The following KCNQ3 variants were observed in gnomAD, a reference collection of about 807,000 sequenced individuals.
KCNQ3 encodes potassium voltage-gated channel subfamily KQT member 3.
A neutral mutation model predicts 92.5 loss-of-function variants in KCNQ3; 30 were observed. That is an observed-to-expected ratio of 0.32 (90% CI 0.24 to 0.44). The LOEUF (loss-of-function observed/expected upper bound fraction) is 0.44, where lower values mean the gene tolerates loss of function less well. Ranked by LOEUF, KCNQ3 falls within the 20% of genes least tolerant of loss-of-function variation. The probability of loss-of-function intolerance (pLI) is 1.00; values close to 1 mark genes in which losing one functional copy is unlikely to be tolerated. For synonymous variants in KCNQ3, 450 were observed against 468.8 expected, an observed-to-expected ratio of 0.96 and a Z score of 0.52; for missense variants, 913 against 1,140.3, an observed-to-expected ratio of 0.80 and a Z score of 2.87.
chr8:132,177,606 T>C (rs1251136827), intron 4 of KCNQ3, among the ~76,000 whole-genome samples: 1 of 152,182 alleles, frequency 6.6e-6, no homozygotes, highest in Non-Finnish European at 1.5e-5. Flanking sequence ...GTTTTTGTGC[T>C]GGGTGGTGGG....
chr8:132,235,399 A>C (rs1250842981), intron 1 of KCNQ3, among the ~76,000 whole-genome samples: 1 of 152,158 alleles, frequency 6.6e-6, no homozygotes, highest in Non-Finnish European at 1.5e-5. Context: ...ACTACTTAGG[A>C]GGTTGAGGCA....
In KCNQ3 at chr8:132,418,277, C is replaced by T. The variant is rs528642160; in HGVS notation, c.386+61870G>A. On this transcript the variant is annotated intron_variant, in intron 1 of 14. Coordinates refer to ENST00000388996, the MANE Select transcript of KCNQ3 (RefSeq NM_004519.4). ...AGGAGCGGCATTAACTGGCAGCCAGCAAGAAGGGATCTGTGACAGAGCTGA... is the reference window on the plus strand; with the variant it reads ...AGGAGCGGCATTAACTGGCAGCCAGTAAGAAGGGATCTGTGACAGAGCTGA... 1.3e-3 allele frequency among the ~76,000 whole-genome samples: 197 copies of T among 152,268 alleles called. 1 individual carries two copies. The highest frequency in any genetic ancestry group is 2.4e-3 in the Admixed American group (36 of 15,306).
At chr8:132,333,147 T>C (rs187687381) in intron 1 of KCNQ3, among the ~76,000 whole-genome samples, 1 of 152,282 alleles carries the variant, frequency 6.6e-6, no homozygotes, top group East Asian at 1.9e-4. Flanking sequence ...TCTGGGTATG[T>C]GCACTTTGTA....
Position 132,174,334 on chromosome 8 carries a change from T to C in KCNQ3, c.949A>G (p.Ile317Val). Residue 317 changes from isoleucine (I) to valine (V), a missense_variant, in exon 6 of 15, where the codon ATT (isoleucine) becomes GTT (valine). By Grantham distance (29) the Ile-to-Val change is conservative. Transcript: ENST00000388996. ...LWWGLITLAT[I>V]GYGDKTPKTW... Reference sequence around the variant, plus strand: ...TTGGGTGTCTTGTCTCCATAGCCAATGGTGGCCAGTGTGATCTGAAGAGAG... The same window carrying C: ...TTGGGTGTCTTGTCTCCATAGCCAACGGTGGCCAGTGTGATCTGAAGAGAG... 1 of 1,551,924 alleles carries C rather than the reference T, an allele frequency of 6.4e-7. No homozygotes were observed. Among genetic ancestry groups the C allele is most frequent in the Non-Finnish European group, 8.7e-7 (1 of 1,147,032 alleles).
chr8:132,346,002 T>C (rs954034015), intron 1 of KCNQ3, among the ~76,000 whole-genome samples: 3 of 151,802 alleles, frequency 2.0e-5, no homozygotes, highest in African/African-American at 4.8e-5. Flanking sequence ...ATGGTGATGA[T>C]GACAATGATG....
chr8:132,435,849 G>A (rs541061352), intron 1 of KCNQ3, among the ~76,000 whole-genome samples: 62 of 152,236 alleles, frequency 4.1e-4, no homozygotes, highest in African/African-American at 5.3e-4. Flanking sequence ...ACCTCAGGGC[G>A]GAAGGCTCTC....
chr8:132,260,982 T>C (rs962317424), intron 1 of KCNQ3, among the ~76,000 whole-genome samples: 7 of 152,200 alleles, frequency 4.6e-5, no homozygotes, highest in Admixed American at 3.9e-4. Context: ...AAGTGTAAAA[T>C]ACAGTGGTTC....
At chr8:132,261,632 G>A (rs780922933) in intron 1 of KCNQ3, among the ~76,000 whole-genome samples, 2 of 152,188 alleles carry the variant, frequency 1.3e-5, no homozygotes, top group Non-Finnish European at 2.9e-5. Context: ...AGGAGCAGAC[G>A]TGACTGAGAG....
At chr8:132,248,370 T>G (rs1173044616) in intron 1 of KCNQ3, among the ~76,000 whole-genome samples, 1 of 151,138 alleles carries the variant, frequency 6.6e-6, no homozygotes, top group East Asian at 1.9e-4. Flanking sequence ...TGAGATAGTA[T>G]TCTCTTTCCA....
intron 1 of KCNQ3, chr8:132,277,826 A>G (rs934781473): frequency 2.1e-6 from 1 of 482,324 alleles, no homozygotes; most frequent in Non-Finnish European, 2.7e-6. Context: ...CTGGCCTTAG[A>G]CTGAATCTTG....
intron 1 of KCNQ3, among the ~76,000 whole-genome samples, chr8:132,268,355 C>T (rs1296600107): frequency 1.3e-5 from 2 of 152,154 alleles, no homozygotes; most frequent in South Asian, 2.1e-4. Flanking sequence ...ACCTCTGCCT[C>T]GTGGGTTCAA....
At chr8:132,226,090 C>A (rs1298122206) in intron 1 of KCNQ3, among the ~76,000 whole-genome samples, 1 of 151,874 alleles carries the variant, frequency 6.6e-6, no homozygotes, top group Admixed American at 6.6e-5. Flanking sequence ...GCTAACGTGG[C>A]GAAACCCCGT....
intron 1 of KCNQ3, among the ~76,000 whole-genome samples, chr8:132,311,224 G>C (rs1418721265): frequency 6.6e-6 from 1 of 152,162 alleles, no homozygotes; most frequent in Non-Finnish European, 1.5e-5. Context: ...AGATTAAAGT[G>C]ATTTGTTTAT....
In KCNQ3 at chr8:132,236,522, G is replaced by A. The variant is rs146521152; in HGVS notation, c.387-50341C>T. ...AAACAATAAAATATATATGGACACT[G>A]TCAATGAATGTCTGCCATGTGCCAA... On this transcript the variant is annotated intron_variant, in intron 1 of 14. Coordinates refer to ENST00000388996, the MANE Select transcript of KCNQ3 (RefSeq NM_004519.4). 4.1e-3 allele frequency among the ~76,000 whole-genome samples: 628 copies of A among 152,276 alleles called. 5 individuals carry two copies. The highest frequency in any genetic ancestry group is 0.014 in the African/African-American group (581 of 41,552).
In KCNQ3 at chr8:132,129,388, C is replaced by G. The variant is rs1424798847; in HGVS notation, c.2493G>C (p.Arg831=). ...NGGSSWMREK[R]YLAEGETDTD... ...TGTCCGTCTCACCCTCGGCGAGGTA[C>G]CGCTTCTCCCTCATCCAGCTCGACC... Residue 831 remains arginine, a synonymous_variant, in exon 15 of 15, where the codon CGG becomes CGC. Coordinates refer to ENST00000388996, the MANE Select transcript of KCNQ3 (RefSeq NM_004519.4). The surrounding 1 kb of genome is among the most constrained non-coding windows in gnomAD (Gnocchi z 5.9). The G allele has an allele frequency of 1.9e-6, 3 of 1,614,204 alleles. No individual in the cohort carries two copies. The highest frequency in any genetic ancestry group is 1.1e-5 in the South Asian group (1 of 91,074).
chr8:132,205,548 G>A (rs898089070), intron 1 of KCNQ3, among the ~76,000 whole-genome samples: 2 of 152,200 alleles, frequency 1.3e-5, no homozygotes, highest in Non-Finnish European at 2.9e-5. Flanking sequence ...GCAGACTTGG[G>A]GAAAGAGCGT....
At position 132,388,610 on chromosome 8, in the gene KCNQ3, A is replaced by C. The variant is rs560196880; in HGVS notation, c.386+91537T>G. Among the ~76,000 whole-genome samples the C allele has an allele frequency of 1.7e-4, 26 of 152,306 alleles. No homozygotes were observed. The South Asian group carries it at 3.3e-3, about 19-fold the overall frequency. Reference sequence around the variant, plus strand: ...ATGACTTAGATTTGTATATTACAAAAAGAAAAAAAAGATGAGAGGGGTTAA... The same window carrying C: ...ATGACTTAGATTTGTATATTACAAACAGAAAAAAAAGATGAGAGGGGTTAA... On this transcript the variant is annotated intron_variant, in intron 1 of 14. Transcript: ENST00000388996.
At chr8:132,274,901 C>G (rs911027250) in intron 1 of KCNQ3, among the ~76,000 whole-genome samples, 1 of 152,122 alleles carries the variant, frequency 6.6e-6, no homozygotes, top group African/African-American at 2.4e-5. Flanking sequence ...AGGCCCAGAA[C>G]AGAGCACAGG....
intron 1 of KCNQ3, chr8:132,447,409 G>C: frequency 8.9e-6 from 6 of 677,806 alleles, no homozygotes; most frequent in Admixed American, 2.3e-5. Flanking sequence ...AGAAGAAAAG[G>C]AAGAAGGTGG....
Sources: gnomAD v4.1 joint callset for allele counts (sites outside exome capture counted in the v4.1 genomes callset) on GRCh38, gnomAD v4.1.1 for gene constraint, Gnocchi (gnomAD v3.1) non-coding constraint, MANE v1.5 for transcripts, NCBI Gene and HGNC (gene_info 2026-07-23, HGNC 2026-07-21) for gene names.